Variants in TPST2 observed in about 807,000 individuals in gnomAD.
TPST2 encodes tyrosylprotein sulfotransferase 2.
Under a neutral mutation model 27.8 loss-of-function variants are expected in TPST2, and 16 were observed. The ratio of observed to expected loss-of-function variants is 0.58; its 90% CI spans 0.39 to 0.88. The LOEUF (loss-of-function observed/expected upper bound fraction) is 0.88. Ranked by LOEUF, TPST2 falls within the 40% of genes least tolerant of loss-of-function variation. The pLI is 0.00. For missense variants in TPST2, 464 were observed against 543.1 expected (o/e 0.85, Z 1.45); for synonymous variants, 229 against 231.7 (o/e 0.99, Z 0.10).
In TPST2 at chr22:26,524,584, A is replaced by G. The variant is rs1002213150; in HGVS notation, c.*1691T>C. On this transcript the variant is annotated 3_prime_UTR_variant, in exon 7 of 7. Transcript: ENST00000338754. The stretch of plus-strand genomic sequence containing the variant: ...AGATGAAGAGACAAAGTCTCAAGCC[A>G]TACAGCCAGTAGGTCAGCCTGACTC... 1 of 152,276 alleles carries G rather than the reference A, an allele frequency of 6.6e-6. No homozygotes were observed. Among genetic ancestry groups the G allele is most frequent in the Non-Finnish European group, 1.5e-5 (1 of 68,078 alleles). 9.4% of individuals were successfully genotyped at this position (152,276 alleles called of 1,614,324 possible). A position where few individuals can be genotyped will look rare whatever the true frequency, so the allele number is the denominator to read the frequency against.
chr22:26,570,041 AAGAC>A lies in TPST2; in HGVS notation c.-161+20008_-161+20011del, dbSNP rs1208079389. On this transcript the variant is annotated intron_variant, in intron 1 of 6. Transcript: ENST00000338754. ...AAAGAAAGAAAGAAAGAAAGAAAGA[AAGAC>A]AGAAAGAAAGAAAGAAAGAAGGAAA... Among the ~76,000 whole-genome samples, 71 of 103,368 alleles carry A rather than the reference AAGAC, an allele frequency of 6.9e-4. 1 individual carries two copies. Among genetic ancestry groups the A allele is most frequent in the Middle Eastern group, 4.7e-3 (1 of 212 alleles). The allele number at this position is 103,368 out of a possible 152,430, so 67.8% of individuals were successfully genotyped here.
chr22:26,567,250 C>T (rs1160713097), intron 1 of TPST2, among the ~76,000 whole-genome samples: 1 of 152,238 alleles, frequency 6.6e-6, no homozygotes, highest in Non-Finnish European at 1.5e-5. Context: ...TTCCACAATG[C>T]CTTAGCCCAG....
rs764321414 is a variant in TPST2, at chr22:26,541,354, C to G, written c.277G>C (p.Glu93Gln). The change falls in exon 3 of 7, where the codon GAG (glutamate) becomes CAG (glutamine). Residue 93 changes from glutamate to glutamine, a missense_variant. By Grantham distance (29) the Glu-to-Gln change is conservative. Transcript: ENST00000338754. The surrounding 1 kb of genome is among the most constrained non-coding windows in gnomAD (Gnocchi z 5.9). ...LMRAMLDAHP[E>Q]VRCGEETRII... ...CGGGTCTCCTCGCCGCAGCGCACCT[C>G]GGGGTGCGCGTCCAGCATGGCGCGC... The G allele has an allele frequency of 6.5e-5, 101 of 1,552,274 alleles. No homozygotes were observed. The highest frequency in any genetic ancestry group is 8.6e-5 in the Non-Finnish European group (99 of 1,147,768).
At chr22:26,564,518 A>T (rs1927290157) in intron 1 of TPST2, among the ~76,000 whole-genome samples, 2 of 152,230 alleles carry the variant, frequency 1.3e-5, no homozygotes, top group Non-Finnish European at 2.9e-5. Flanking sequence ...CCAAGAAGCC[A>T]GATGAGTCCC....
chr22:26,538,444 T>C (rs1925602155), intron 3 of TPST2, among the ~76,000 whole-genome samples: 1 of 152,204 alleles, frequency 6.6e-6, no homozygotes, highest in Non-Finnish European at 1.5e-5. Context: ...TCAGTAAAAC[T>C]GGAAATAACC....
chr22:26,582,000 T>C (rs965394684), intron 1 of TPST2, among the ~76,000 whole-genome samples: 2 of 152,230 alleles, frequency 1.3e-5, no homozygotes, highest in African/African-American at 4.8e-5. Flanking sequence ...ATGTGGCCTA[T>C]GAGTGGTAAT....
At chr22:26,575,709 A>G (rs941291911) in intron 1 of TPST2, among the ~76,000 whole-genome samples, 1 of 152,184 alleles carries the variant, frequency 6.6e-6, no homozygotes, top group Non-Finnish European at 1.5e-5. Context: ...TAAAATGAAG[A>G]TGCAGGCCGG....
chr22:26,560,450 C>G, intron 1 of TPST2: 2 of 714,706 alleles, frequency 2.8e-6, no homozygotes, highest in Non-Finnish European at 4.9e-6. Flanking sequence ...CTGAGCTCCA[C>G]AGAGACAGCG....
At chr22:26,528,908 G>A (rs1924990397) in intron 5 of TPST2, among the ~76,000 whole-genome samples, 1 of 152,006 alleles carries the variant, frequency 6.6e-6, no homozygotes, top group Non-Finnish European at 1.5e-5. Flanking sequence ...CTTGAACCCG[G>A]GAGGCAGAGG....
rs1489909087 is a variant in TPST2 at position 26,540,003 on chromosome 22, C to CT, written c.842+785dup. On this transcript the variant is annotated intron_variant, in intron 3 of 6. Coordinates refer to ENST00000338754, the MANE Select transcript of TPST2 (RefSeq NM_003595.5). The stretch of plus-strand genomic sequence containing the variant: ...CCCAATACTTGCCATACAGTAGGCA[C>CT]TCATTAAATGACAATGGTGAGGATG... Among the ~76,000 whole-genome samples the CT allele has an allele frequency of 1.8e-4, 27 of 152,118 alleles. No individual in the cohort carries two copies. In the East Asian group the frequency reaches 5.0e-3, roughly 28 times the overall value.
Position 26,541,589 on chromosome 22 carries a change from G to A in TPST2, c.42C>T (p.Cys14=), listed in dbSNP as rs370886959. 1.1e-5 allele frequency: 18 copies of A among 1,599,952 alleles called. No homozygotes were observed. The highest frequency in any genetic ancestry group is 1.7e-4 in the Middle Eastern group (1 of 6,000). ...GAACCGCCAGCACCAGGACCAGGGC[G>A]CAGCCGGCTGCCAGCAGCACCCTCC... is the stretch of plus-strand genomic sequence containing the variant. The part of the protein sequence containing the change: ...SVRRVLLAAG[C]ALVLVLAVQL... The change falls in exon 3 of 7, where the codon TGC becomes TGT. Residue 14 remains cysteine (C), a synonymous_variant. Coordinates refer to ENST00000338754, the MANE Select transcript of TPST2 (RefSeq NM_003595.5). This position sits in a 1 kb window ranked among gnomAD's most constrained non-coding sequence, Gnocchi z 5.9.
At chr22:26,549,939 C>T (rs1278867133) in intron 1 of TPST2, among the ~76,000 whole-genome samples, 11 of 149,070 alleles carry the variant, frequency 7.4e-5, no homozygotes, top group Admixed American at 6.1e-4. Context: ...ACTCAGGAGG[C>T]TAAGGCAGGA....
chr22:26,527,941 T>C (rs2283820), intron 6 of TPST2, among the ~76,000 whole-genome samples: 60,067 of 152,070 alleles, frequency 0.39, 12,168 homozygotes, highest in South Asian at 0.5. Flanking sequence ...CTTCCTGCCC[T>C]GTCCCCAGTG....
Position 26,523,342 on chromosome 22 carries a change from G to A in TPST2, c.*2933C>T, listed in dbSNP as rs1459668716. 3.3e-5 allele frequency: 5 copies of A among 152,154 alleles called. No homozygotes were observed. The highest frequency in any genetic ancestry group is 1.2e-4 in the African/African-American group (5 of 41,432). 9.4% of individuals were successfully genotyped at this position (152,154 alleles called of 1,614,324 possible). On this transcript the variant is annotated 3_prime_UTR_variant, in exon 7 of 7. Transcript: ENST00000338754. Reference sequence around the variant, plus strand: ...GGAAGACTATGTACAAACAGAAAATGGTAGCATTACCTTTAGGAGCTATTG... The same window carrying A: ...GGAAGACTATGTACAAACAGAAAATAGTAGCATTACCTTTAGGAGCTATTG...
intron 3 of TPST2, 114 bp from the exon 4 acceptor site, chr22:26,536,600 C>T: frequency 1.0e-6 from 1 of 952,814 alleles, no homozygotes; most frequent in Non-Finnish European, 1.5e-6. Flanking sequence ...CTGGCCTCCA[C>T]CCAGCTCTGC....
intron 2 of TPST2, among the ~76,000 whole-genome samples, chr22:26,544,111 T>A (rs778072997): frequency 1.3e-5 from 2 of 152,244 alleles, no homozygotes; most frequent in Non-Finnish European, 2.9e-5. Flanking sequence ...ACTTGCCAGC[T>A]GGTGATCTGG....
At chr22:26,569,991 A>AAGAAAAGAAAG (rs1555934528) in intron 1 of TPST2, among the ~76,000 whole-genome samples, 1 of 19,876 alleles carries the variant, frequency 5.0e-5, no homozygotes, top group African/African-American at 2.8e-4. Flanking sequence ...AAAAGAAAGA[A>AAGAAAAGAAAG]AAAGAAAGAA....
chr22:26,531,008 TCAAAAACAAAAA>T (rs3037015), intron 5 of TPST2, among the ~76,000 whole-genome samples: 7 of 151,646 alleles, frequency 4.6e-5, no homozygotes, highest in South Asian at 2.1e-4. Context: ...AAACTCCATC[TCAAAAACAAAAA>T]CAAAAACAAA....
At chr22:26,540,272 C>T (rs1925719248) in intron 3 of TPST2, among the ~76,000 whole-genome samples, 1 of 152,114 alleles carries the variant, frequency 6.6e-6, no homozygotes, top group Non-Finnish European at 1.5e-5. Flanking sequence ...TAACCTTTAC[C>T]CACTATTGCC....
Sources: gnomAD v4.1 joint callset for allele counts (sites outside exome capture counted in the v4.1 genomes callset) on GRCh38, gnomAD v4.1.1 for gene constraint, Gnocchi (gnomAD v3.1) non-coding constraint, MANE v1.5 for transcripts, NCBI Gene and HGNC (gene_info 2026-07-23, HGNC 2026-07-21) for gene names.